The following TSPAN18 variants were observed in gnomAD, a reference collection of about 807,000 sequenced individuals.
TSPAN18 encodes the protein tetraspanin 18, also known as tetraspanin-18.
In TSPAN18, 14 loss-of-function variants were observed where a neutral mutation model predicts 27.3. That is an observed-to-expected ratio of 0.51 (90% CI 0.34 to 0.80). The LOEUF is 0.80. Ranked by LOEUF, TSPAN18 falls within the 30% of genes least tolerant of loss-of-function variation. The pLI is 0.01. For synonymous variants in TSPAN18, 143 were observed against 136.5 expected (o/e 1.05, Z -0.33); for missense variants, 268 against 323.9 (o/e 0.83, Z 1.32).
At chr11:44,884,485 C>T (rs1858584015) in intron 3 of TSPAN18, among the ~76,000 whole-genome samples, 1 of 152,214 alleles carries the variant, frequency 6.6e-6, no homozygotes, top group African/African-American at 2.4e-5. Context: ...AGCTCGACTT[C>T]CTCCAGTTCC....
chr11:44,839,540 C>T (rs144406972), intron 2 of TSPAN18, among the ~76,000 whole-genome samples: 87 of 152,264 alleles, frequency 5.7e-4, no homozygotes, highest in African/African-American at 2.0e-3. Context: ...ATGCAAACTC[C>T]TCTGCCATTC....
chr11:44,857,994 C>T (rs549386351), intron 2 of TSPAN18, among the ~76,000 whole-genome samples: 10 of 152,336 alleles, frequency 6.6e-5, no homozygotes, highest in South Asian at 6.2e-4. Flanking sequence ...CGAGAGCTTC[C>T]GCTCATAAAG....
intron 2 of TSPAN18, among the ~76,000 whole-genome samples, chr11:44,813,255 A>C (rs757179316): frequency 1.3e-5 from 2 of 152,228 alleles, no homozygotes; most frequent in African/African-American, 2.4e-5. Flanking sequence ...AGGCCACGGC[A>C]TGAGGACAGA....
At chr11:44,783,543 C>A (rs1855988379) in intron 2 of TSPAN18, among the ~76,000 whole-genome samples, 2 of 151,972 alleles carry the variant, frequency 1.3e-5, no homozygotes, top group South Asian at 4.1e-4. Context: ...GGACTATAGA[C>A]ACGTACCACC....
intron 2 of TSPAN18, among the ~76,000 whole-genome samples, chr11:44,831,035 C>T (rs1464132852): frequency 1.3e-5 from 2 of 152,094 alleles, no homozygotes; most frequent in Non-Finnish European, 2.9e-5. Context: ...ATTGCTTGAA[C>T]CTAGGAGGTG....
At chr11:44,897,042 C>T (rs1859084685) in intron 3 of TSPAN18, among the ~76,000 whole-genome samples, 1 of 152,134 alleles carries the variant, frequency 6.6e-6, no homozygotes, top group Non-Finnish European at 1.5e-5. Context: ...ATATCTCTCC[C>T]TTCCTTCCCT....
At chr11:44,928,122 G>C (rs1860436151) in intron 9 of TSPAN18, among the ~76,000 whole-genome samples, 1 of 152,158 alleles carries the variant, frequency 6.6e-6, no homozygotes, top group Admixed American at 6.5e-5. Flanking sequence ...CTTGCAATGA[G>C]CTCTGGCCGT....
At chr11:44,920,535 C>T (rs910671963) in intron 8 of TSPAN18, among the ~76,000 whole-genome samples, 1 of 152,140 alleles carries the variant, frequency 6.6e-6, no homozygotes, top group African/African-American at 2.4e-5. Flanking sequence ...CCTTCCTGCA[C>T]GTGCCATTTC....
In TSPAN18 at chr11:44,727,113, G is replaced by A. The variant is rs1327143986; in HGVS notation, c.-414G>A. The stretch of plus-strand genomic sequence containing the variant: ...CGGCCCCGGCCCCGGCCCCGGTCCC[G>A]GCCCCGAGCCCCGAGCGAGCGCCGC... On this transcript the variant is annotated 5_prime_UTR_variant, in exon 1 of 10. Coordinates refer to ENST00000520358, the MANE Select transcript of TSPAN18 (RefSeq NM_130783.5). 3.0e-5 allele frequency: 4 copies of A among 134,052 alleles called. No homozygotes were observed. Among genetic ancestry groups the A allele is most frequent in the South Asian group, 4.0e-4 (2 of 4,950 alleles). The allele number at this position is 134,052 out of a possible 1,614,324, so 8.3% of individuals were successfully genotyped here.
At chr11:44,769,550 A>G (rs962510516) in intron 2 of TSPAN18, among the ~76,000 whole-genome samples, 2 of 152,118 alleles carry the variant, frequency 1.3e-5, no homozygotes, top group Non-Finnish European at 2.9e-5. Flanking sequence ...TGCAAGGTTT[A>G]TTGATTAGAT....
chr11:44,728,026 C>T (rs117571702), intron 1 of TSPAN18, among the ~76,000 whole-genome samples: 6 of 152,344 alleles, frequency 3.9e-5, no homozygotes, highest in East Asian at 1.9e-4. Context: ...GGGCGCACTG[C>T]CCCGGCCCTC....
chr11:44,801,925 G>T (rs998023140), intron 2 of TSPAN18, among the ~76,000 whole-genome samples: 1 of 152,090 alleles, frequency 6.6e-6, no homozygotes, highest in Non-Finnish European at 1.5e-5. Flanking sequence ...CCAGCTACTC[G>T]GAAGGCTGAG....
At chr11:44,869,367 T>C (rs909287667) in intron 3 of TSPAN18, among the ~76,000 whole-genome samples, 2 of 152,196 alleles carry the variant, frequency 1.3e-5, no homozygotes, top group Non-Finnish European at 2.9e-5. Flanking sequence ...GACAAGTGAC[T>C]TACCTTCTAG....
At chr11:44,858,463 T>C (rs1212519903) in intron 2 of TSPAN18, among the ~76,000 whole-genome samples, 1 of 152,204 alleles carries the variant, frequency 6.6e-6, no homozygotes, top group Non-Finnish European at 1.5e-5. Context: ...TGATCCCCTT[T>C]CACAGATGGA....
At chr11:44,728,828 G>A (rs963704323) in intron 1 of TSPAN18, among the ~76,000 whole-genome samples, 2 of 152,200 alleles carry the variant, frequency 1.3e-5, no homozygotes, top group South Asian at 4.1e-4. Context: ...GGACATTGGA[G>A]GGACTATTGC....
At chr11:44,831,005 C>T (rs1857142084) in intron 2 of TSPAN18, among the ~76,000 whole-genome samples, 1 of 152,056 alleles carries the variant, frequency 6.6e-6, no homozygotes, top group East Asian at 1.9e-4. Flanking sequence ...CCCAGCTACT[C>T]GGGAGGCTGA....
chr11:44,758,992 G>A (rs1330894133), intron 1 of TSPAN18, among the ~76,000 whole-genome samples: 2 of 152,194 alleles, frequency 1.3e-5, no homozygotes, highest in Non-Finnish European at 2.9e-5. Context: ...CATCCAAACA[G>A]TGCTATGCTG....
chr11:44,757,001 T>C (rs1317545084), intron 1 of TSPAN18, among the ~76,000 whole-genome samples: 1 of 152,244 alleles, frequency 6.6e-6, no homozygotes, highest in Non-Finnish European at 1.5e-5. Context: ...GGGTTTTTCA[T>C]ATATGACTTT....
chr11:44,832,448 C>A (rs1857174342), intron 2 of TSPAN18, among the ~76,000 whole-genome samples: 1 of 152,202 alleles, frequency 6.6e-6, no homozygotes, highest in African/African-American at 2.4e-5. Flanking sequence ...TCATCCCTCC[C>A]CAGCCCAGTT....
Sources: gnomAD v4.1 joint callset for allele counts (sites outside exome capture counted in the v4.1 genomes callset) on GRCh38, gnomAD v4.1.1 for gene constraint, MANE v1.5 for transcripts, NCBI Gene and HGNC (gene_info 2026-07-23, HGNC 2026-07-21) for gene names.